PPP1R14C: variants seen among roughly 807,000 people sequenced by gnomAD.
PPP1R14C encodes protein phosphatase 1 regulatory subunit 14C.
In PPP1R14C, 16 loss-of-function variants were observed where a neutral mutation model predicts 20.4. The observed-to-expected ratio is 0.78, with a 90% CI of 0.53 to 1.19. The LOEUF (loss-of-function observed/expected upper bound fraction) is 1.19. Ranked by LOEUF, PPP1R14C falls within the 50% of genes most tolerant of loss-of-function variation. The pLI is 0.00. For missense variants in PPP1R14C, 211 were observed against 220.1 expected, an observed-to-expected ratio of 0.96 and a Z score of 0.26; for synonymous variants, 91 against 91.0, an observed-to-expected ratio of 1.00 and a Z score of 0.00.
intron 1 of PPP1R14C, among the ~76,000 whole-genome samples, chr6:150,162,275 G>A (rs753498038): frequency 1.3e-5 from 2 of 152,092 alleles, no homozygotes; most frequent in Admixed American, 6.6e-5. Context: ...GCCTGATCTC[G>A]AACTCCTGAC....
At position 150,143,052 on chromosome 6, in the gene PPP1R14C, C is replaced by CCT. The variant is rs146769348; in HGVS notation, c.-141_-140insCT. The CCT allele has an allele frequency of 8.0e-4, 861 of 1,070,198 alleles. 6 individuals carry two copies. The African/African-American group carries it at 0.013, about 16-fold the overall frequency. 66.3% of individuals were successfully genotyped at this position (1,070,198 alleles called of 1,614,324 possible). ...GCTCCTCCCGCCCTCCCAGAGCAGC[C>CCT]GGGCGGCTGGGCGCGCGCGGCGCAG... is the stretch of plus-strand genomic sequence containing the variant. On this transcript the variant is annotated 5_prime_UTR_variant, in exon 1 of 4. Coordinates refer to ENST00000361131, the MANE Select transcript of PPP1R14C (RefSeq NM_030949.3). This position sits in a 1 kb window ranked among gnomAD's most constrained non-coding sequence, Gnocchi z 5.6.
intron 1 of PPP1R14C, among the ~76,000 whole-genome samples, chr6:150,166,616 T>C (rs1219634173): frequency 6.6e-6 from 1 of 152,190 alleles, no homozygotes; most frequent in Non-Finnish European, 1.5e-5. Context: ...CCAGCACTTA[T>C]TGTCCACCAC....
At chr6:150,155,420 G>T (rs114324783) in intron 1 of PPP1R14C, among the ~76,000 whole-genome samples, 162 of 152,226 alleles carry the variant, frequency 1.1e-3, no homozygotes, top group African/African-American at 3.8e-3. Flanking sequence ...AATACTCAGT[G>T]ATATAAGTAG....
At chr6:150,216,223 TG>T (rs745821212) in intron 2 of PPP1R14C, among the ~76,000 whole-genome samples, 1 of 152,170 alleles carries the variant, frequency 6.6e-6, no homozygotes, top group African/African-American at 2.4e-5. Flanking sequence ...GGGCTGGGCA[TG>T]GTAGCTCACG....
chr6:150,145,225 T>C (rs943200049), intron 1 of PPP1R14C, among the ~76,000 whole-genome samples: 5 of 152,192 alleles, frequency 3.3e-5, no homozygotes, highest in African/African-American at 1.2e-4. Flanking sequence ...GTGTGGAACA[T>C]GTAGGTTAGG....
intron 1 of PPP1R14C, among the ~76,000 whole-genome samples, chr6:150,145,613 C>T (rs1582891519): frequency 6.6e-6 from 1 of 152,198 alleles, no homozygotes; most frequent in Admixed American, 6.5e-5. Flanking sequence ...ATTGGGTTCT[C>T]TTGTTGAGTA....
At chr6:150,156,593 T>G (rs923230982) in intron 1 of PPP1R14C, among the ~76,000 whole-genome samples, 1 of 152,236 alleles carries the variant, frequency 6.6e-6, no homozygotes, top group Non-Finnish European at 1.5e-5. Context: ...TTGGTTCTTA[T>G]GAGCTAATAC....
At chr6:150,241,852 A>T (rs990339201) in intron 3 of PPP1R14C, among the ~76,000 whole-genome samples, 1 of 152,106 alleles carries the variant, frequency 6.6e-6, no homozygotes, top group African/African-American at 2.4e-5. Flanking sequence ...ATGCCATTGC[A>T]CTCCAGCCTG....
intron 1 of PPP1R14C, among the ~76,000 whole-genome samples, chr6:150,189,549 CT>C (rs5880869): frequency 1.9e-4 from 28 of 148,434 alleles, no homozygotes; most frequent in Middle Eastern, 3.5e-3. Context: ...AAACATTCTG[CT>C]TTTTTTTTTT....
intron 3 of PPP1R14C, among the ~76,000 whole-genome samples, chr6:150,229,538 A>G (rs1778268342): frequency 6.6e-6 from 1 of 152,154 alleles, no homozygotes; most frequent in Non-Finnish European, 1.5e-5. Flanking sequence ...GGATTTGGGT[A>G]AAAAAATAAA....
chr6:150,242,146 A>G (rs1265588026), intron 3 of PPP1R14C, among the ~76,000 whole-genome samples: 1 of 152,142 alleles, frequency 6.6e-6, no homozygotes, highest in Non-Finnish European at 1.5e-5. Flanking sequence ...AACAACAACA[A>G]CAAAAACCCT....
chr6:150,182,609 A>T (rs186832828), intron 1 of PPP1R14C, among the ~76,000 whole-genome samples: 157 of 152,288 alleles, frequency 1.0e-3, no homozygotes, highest in African/African-American at 3.7e-3. Context: ...CCATAGTAGC[A>T]CTCTCTATTT....
chr6:150,151,849 G>A (rs911801339), intron 1 of PPP1R14C, among the ~76,000 whole-genome samples: 6 of 152,066 alleles, frequency 3.9e-5, no homozygotes, highest in African/African-American at 9.7e-5. Context: ...GGCCGGGCGC[G>A]GTGGCTCACG....
intron 3 of PPP1R14C, among the ~76,000 whole-genome samples, chr6:150,236,829 TGTGGGGAGGAGCG>T (rs1778367154): frequency 6.6e-6 from 1 of 152,120 alleles, no homozygotes. Flanking sequence ...TTGCTCAGGC[TGTGGGGAGGAGCG>T]GTCCCAGGCA....
intron 3 of PPP1R14C, among the ~76,000 whole-genome samples, chr6:150,235,832 A>C (rs1450988758): frequency 1.3e-5 from 2 of 152,162 alleles, no homozygotes; most frequent in Admixed American, 1.3e-4. Context: ...CTACGGGCAG[A>C]ACTGGAGGAA....
intron 1 of PPP1R14C, among the ~76,000 whole-genome samples, chr6:150,156,137 G>A (rs1378191884): frequency 1.3e-5 from 2 of 151,838 alleles, no homozygotes; most frequent in Non-Finnish European, 2.9e-5. Context: ...TTCTTTGCCA[G>A]GTTTGCATGA....
At chr6:150,192,133 C>T (rs766175854) in intron 1 of PPP1R14C, among the ~76,000 whole-genome samples, 3 of 152,094 alleles carry the variant, frequency 2.0e-5, no homozygotes, top group Non-Finnish European at 2.9e-5. Flanking sequence ...TAGGCTGGTC[C>T]GTTTTGACTT....
chr6:150,218,995 T>TTC lies in PPP1R14C; in HGVS notation c.423+2139_423+2140insTC, dbSNP rs1554220718. 7.0e-3 allele frequency among the ~76,000 whole-genome samples: 1,060 copies of TTC among 152,080 alleles called. 3 individuals are homozygous for TTC. Among genetic ancestry groups the TTC allele is most frequent in the Non-Finnish European group, 0.011 (728 of 67,998 alleles). ...TAAATATGCATTTACTGTTTTTTTT[T>TTC]CATTTATTGACTTTAGGAGAAAGAT... On this transcript the variant is annotated intron_variant, in intron 3 of 3. Coordinates refer to ENST00000361131, the MANE Select transcript of PPP1R14C (RefSeq NM_030949.3).
At chr6:150,209,110 C>G (rs1165881337) in intron 1 of PPP1R14C, among the ~76,000 whole-genome samples, 1 of 152,160 alleles carries the variant, frequency 6.6e-6, no homozygotes, top group Admixed American at 6.5e-5. Context: ...CCCTGCCACC[C>G]CACGTTTCTC....
Sources: allele counts gnomAD v4.1 joint callset (sites outside exome capture counted in the v4.1 genomes callset), GRCh38; gene constraint gnomAD v4.1.1; non-coding constraint Gnocchi (gnomAD v3.1); transcripts MANE v1.5; gene names NCBI Gene and HGNC (gene_info 2026-07-23, HGNC 2026-07-21).